HMCN1: variants seen among roughly 807,000 people sequenced by gnomAD.
HMCN1 encodes the protein hemicentin-1.
A neutral mutation model predicts 625.9 loss-of-function variants in HMCN1; 321 were observed. The observed-to-expected ratio is 0.51, with a 90% confidence interval of 0.47 to 0.56. The LOEUF is 0.56. Among genes scored for constraint, HMCN1 ranks in the 20% least tolerant of loss-of-function variants. HMCN1 has a pLI of 0.00. For missense variants in HMCN1, 6,588 were observed against 6,887.3 expected (o/e 0.96, Z 1.54); for synonymous variants, 2,425 against 2,417.6 (o/e 1.00, Z -0.09).
intron 48 of HMCN1, among the ~76,000 whole-genome samples, chr1:186,064,504 A>G (rs1417099188): frequency 6.6e-6 from 1 of 152,084 alleles, no homozygotes; most frequent in East Asian, 1.9e-4. Context: ...AAAATATAAA[A>G]TCTTTTAGAA....
Position 186,178,526 on chromosome 1 carries a change from A to G in HMCN1, c.16054A>G (p.Lys5352Glu). ...PPGQHLLGDG[K>E]SCAGLERLPN... ...AGGACAACATTTATTAGGGGACGGG[A>G]AATCTTGCGCTGGATTGGAGAGGCT... The change falls in exon 104 of 107, where the codon AAA becomes GAA. Residue 5352 changes from lysine to glutamate, a missense_variant. Around this residue, in one of 3 missense-constraint regions of HMCN1, gnomAD observed 1,954 missense variants for 2,013.1 expected, o/e 0.97. Transcript: ENST00000271588. The G allele has an allele frequency of 6.2e-7, 1 of 1,614,136 alleles. No homozygotes were observed. Among genetic ancestry groups the G allele is most frequent in the Non-Finnish European group, 8.5e-7 (1 of 1,179,998 alleles).
intron 1 of HMCN1, among the ~76,000 whole-genome samples, chr1:185,810,493 G>A (rs1659442688): frequency 6.6e-6 from 1 of 152,108 alleles, no homozygotes; most frequent in South Asian, 2.1e-4. Flanking sequence ...TATTTTTTCT[G>A]ATTTGACAGT....
chr1:186,158,867 C>T (rs9661941), intron 97 of HMCN1, among the ~76,000 whole-genome samples: 16,899 of 149,678 alleles, frequency 0.11, 1,195 homozygotes, highest in African/African-American at 0.21. Flanking sequence ...AGTCAGGTAG[C>T]GTGATGCCTC....
At position 185,777,891 on chromosome 1, in the gene HMCN1, A is replaced by T. The variant is rs1286965419; in HGVS notation, c.268+42844A>T. Among the ~76,000 whole-genome samples, 5 of 152,160 alleles carry T rather than the reference A, an allele frequency of 3.3e-5. No individual in the cohort carries two copies. The East Asian group carries it at 9.6e-4, about 29-fold the overall frequency. On this transcript the variant is annotated intron_variant, in intron 1 of 106. Transcript: ENST00000271588. Reference sequence around the variant, plus strand: ...CTCTTAACTGCCTTTCCAGGACTGGATATATTGGGCATTCAATATGCTTTT... The same window carrying T: ...CTCTTAACTGCCTTTCCAGGACTGGTTATATTGGGCATTCAATATGCTTTT...
chr1:185,858,408 T>G (rs993113890), intron 2 of HMCN1, among the ~76,000 whole-genome samples: 3 of 151,658 alleles, frequency 2.0e-5, no homozygotes, highest in Non-Finnish European at 1.5e-5. Context: ...GGCAGACGTT[T>G]AAAGGATTTA....
intron 40 of HMCN1, 103 bp downstream of exon 40, chr1:186,041,239 C>G: frequency 2.0e-6 from 2 of 999,076 alleles, no homozygotes; most frequent in Admixed American, 3.5e-5. Flanking sequence ...GAACAATGAA[C>G]CTTAGAAATG....
rs1243303441 is a variant in HMCN1, at chr1:186,001,632, G to A, written c.4239G>A (p.Gly1413=). The change falls in exon 28 of 107, where the codon GGG becomes GGA. Residue 1413 remains glycine (G), a synonymous_variant. Coordinates refer to ENST00000271588, the MANE Select transcript of HMCN1 (RefSeq NM_031935.3). ...ESSTIQTVNN[G]KILKLFRATP... ...GCACTATTCAGACTGTGAACAATGG[G>A]AAGATACTGAAGCTCTTCAGAGCCA... 6.2e-7 allele frequency: 1 copy of A among 1,613,038 alleles called. No homozygotes were observed. The highest frequency in any genetic ancestry group is 8.5e-7 in the Non-Finnish European group (1 of 1,179,360).
chr1:186,178,643 T>C lies in HMCN1; in HGVS notation c.16171T>C (p.Tyr5391His). ...NYQPQQHYRQ[Y>H]SHLYSSYSEY... is the part of the protein sequence containing the mutation. ...TCAACCTCAACAGCATTACAGACAG[T>C]ACTCACATCTCTACAGCTCCTACTC... Residue 5391 changes from tyrosine (Y) to histidine (H), a missense_variant, in exon 104 of 107, where the codon TAC (tyrosine) becomes CAC (histidine). By Grantham distance (83) the Tyr-to-His change is moderately conservative (BLOSUM62 2). Around this residue, in one of 3 missense-constraint regions of HMCN1, gnomAD observed 1,954 missense variants for 2,013.1 expected, o/e 0.97. Transcript: ENST00000271588. 1 of 1,614,008 alleles carries C rather than the reference T, an allele frequency of 6.2e-7. No individual in the cohort carries two copies. The highest frequency in any genetic ancestry group is 8.5e-7 in the Non-Finnish European group (1 of 1,179,876).
chr1:185,870,047 A>G (rs1346417661), intron 4 of HMCN1, among the ~76,000 whole-genome samples: 1 of 151,088 alleles, frequency 6.6e-6, no homozygotes, highest in African/African-American at 2.4e-5. Flanking sequence ...AAAAAAAAAC[A>G]ATGATTAAGT....
At position 185,999,918 on chromosome 1, in the gene HMCN1, G is replaced by T. The variant is rs1339272974; in HGVS notation, c.3875-127G>T. On this transcript the variant is annotated intron_variant, in intron 25 of 106. Coordinates refer to ENST00000271588, the MANE Select transcript of HMCN1 (RefSeq NM_031935.3). ...TCCATGCCAGGAGAAATATCTTGAA[G>T]GTAGCATAGGACCTAAGGTTATAAA... The T allele has an allele frequency of 7.8e-6, 5 of 643,198 alleles. No individual in the cohort carries two copies. The East Asian group carries it at 1.4e-4, about 18-fold the overall frequency. The allele number at this position is 643,198 out of a possible 1,614,324, so 39.8% of individuals were successfully genotyped here. A position where few individuals can be genotyped will look rare whatever the true frequency, so the allele number is the denominator to read the frequency against.
At chr1:185,865,620 CACACACACACAT>C (rs1272916788) in intron 3 of HMCN1, 109 bp from the exon 4 acceptor site, 14 of 735,976 alleles carry the variant, frequency 1.9e-5, no homozygotes, top group African/African-American at 1.1e-4. Flanking sequence ...CACACACACA[CACACACACACAT>C]TCACATATTC....
intron 1 of HMCN1, among the ~76,000 whole-genome samples, chr1:185,797,943 G>C (rs1023939430): frequency 9.9e-6 from 1 of 101,192 alleles, no homozygotes; most frequent in Non-Finnish European, 1.6e-5. Context: ...TCCAGCCTGG[G>C]CGACAGAGCG....
intron 4 of HMCN1, among the ~76,000 whole-genome samples, chr1:185,909,080 A>G (rs1357317162): frequency 6.6e-6 from 1 of 152,064 alleles, no homozygotes; most frequent in Admixed American, 6.6e-5. Flanking sequence ...CTGGTTTTGT[A>G]CACTATAGTC....
intron 46 of HMCN1, among the ~76,000 whole-genome samples, chr1:186,061,024 T>G (rs975831071): frequency 6.6e-6 from 1 of 152,094 alleles, no homozygotes; most frequent in Non-Finnish European, 1.5e-5. Context: ...CTGGCCATAC[T>G]CCATCTAGCC....
intron 97 of HMCN1, among the ~76,000 whole-genome samples, chr1:186,156,814 G>C (rs919853466): frequency 6.6e-6 from 1 of 152,122 alleles, no homozygotes; most frequent in African/African-American, 2.4e-5. Flanking sequence ...GAAATATTTA[G>C]CTCATTTATT....
intron 30 of HMCN1, among the ~76,000 whole-genome samples, chr1:186,008,592 G>C (rs1236355805): frequency 2.0e-5 from 3 of 151,964 alleles, no homozygotes; most frequent in Non-Finnish European, 2.9e-5. Context: ...TTGTGTTGAG[G>C]CCCAACCACT....
Position 185,928,645 on chromosome 1 carries a change from A to G in HMCN1, c.1530A>G (p.Ala510=), listed in dbSNP as rs1558072054. The stretch of plus-strand genomic sequence containing the variant: ...TCAGCAGTGCAGGTACTGGACGGGC[A>G]CAGACATTTTTTGACGTATCAGGTA... ...IAVSSAGTGR[A]QTFFDVSEPP... Residue 510 remains alanine, a synonymous_variant, in exon 10 of 107, where the codon GCA becomes GCG. Coordinates refer to ENST00000271588, the MANE Select transcript of HMCN1 (RefSeq NM_031935.3). The G allele has an allele frequency of 6.2e-7, 1 of 1,613,442 alleles. No individual in the cohort carries two copies. Among genetic ancestry groups the G allele is most frequent in the Non-Finnish European group, 8.5e-7 (1 of 1,179,522 alleles).
chr1:185,892,895 C>T (rs531893437), intron 4 of HMCN1, among the ~76,000 whole-genome samples: 5 of 152,266 alleles, frequency 3.3e-5, no homozygotes, highest in East Asian at 1.9e-4. Flanking sequence ...CAATGGCGGG[C>T]GCCCCTCCCC....
At chr1:185,772,702 A>G (rs1391691604) in intron 1 of HMCN1, among the ~76,000 whole-genome samples, 1 of 152,102 alleles carries the variant, frequency 6.6e-6, no homozygotes, top group Non-Finnish European at 1.5e-5. Context: ...TGACTGTTGT[A>G]GTCCATTTGT....
Sources: allele counts gnomAD v4.1 joint callset (sites outside exome capture counted in the v4.1 genomes callset), GRCh38; gene constraint gnomAD v4.1.1; regional missense constraint gnomAD v4.1.1; transcripts MANE v1.5; gene names NCBI Gene and HGNC (gene_info 2026-07-23, HGNC 2026-07-21).